The following RPS6KA1 variants were observed in gnomAD, a reference collection of about 807,000 sequenced individuals.
RPS6KA1 encodes ribosomal protein S6 kinase A1.
Under a neutral mutation model 91.3 loss-of-function variants are expected in RPS6KA1, and 48 were observed. That is an observed-to-expected ratio of 0.53 (90% CI 0.42 to 0.67). RPS6KA1 has a LOEUF of 0.67. Ranked by LOEUF, RPS6KA1 falls within the 30% of genes least tolerant of loss-of-function variation. The probability of loss-of-function intolerance (pLI) is 0.00; values close to 1 mark genes in which losing one functional copy is unlikely to be tolerated. For synonymous variants in RPS6KA1, 359 were observed against 384.7 expected (o/e 0.93, Z 0.78); for missense variants, 719 against 960.5 (o/e 0.75, Z 3.32).
rs1025494339 is a variant in RPS6KA1 at position 26,531,706 on chromosome 1, C to T, written c.63+1723C>T. 4.7e-4 allele frequency among the ~76,000 whole-genome samples: 71 copies of T among 152,304 alleles called. 1 individual carries two copies. The highest frequency in any genetic ancestry group is 3.4e-3 in the Middle Eastern group (1 of 294). On this transcript the variant is annotated intron_variant, in intron 1 of 21. Coordinates refer to ENST00000374168, the MANE Select transcript of RPS6KA1 (RefSeq NM_002953.4). Reference sequence around the variant, plus strand: ...TTCCTCAGGAGCTTCGCTCCAGAAACGATGTGTGATCCTCAGTCAGTCCTC... The same window carrying T: ...TTCCTCAGGAGCTTCGCTCCAGAAATGATGTGTGATCCTCAGTCAGTCCTC...
chr1:26,557,132 G>T, intron 13 of RPS6KA1, 32 bp downstream of exon 13: 1 of 1,574,156 alleles, frequency 6.4e-7, no homozygotes, highest in Non-Finnish European at 8.7e-7. Flanking sequence ...TCTGTCTTGG[G>T]CTGGTACAGG....
chr1:26,555,150 G>C lies in RPS6KA1; in HGVS notation c.757-1G>C. 1 of 1,614,146 alleles carries C rather than the reference G, an allele frequency of 6.2e-7. No homozygotes were observed. The highest frequency in any genetic ancestry group is 1.3e-5 in the African/African-American group (1 of 75,056). ...CCTGAATAGATCCTTGTCCTCTGCA[G>C]TTTGAGATGCTGACGGGCTCCCTGC... On this transcript the variant is annotated splice_acceptor_variant, in intron 9 of 21. Coordinates refer to ENST00000374168, the MANE Select transcript of RPS6KA1 (RefSeq NM_002953.4). LOFTEE classifies it high-confidence loss of function. This position sits in a 1 kb window ranked among gnomAD's most constrained non-coding sequence, Gnocchi z 4.3.
chr1:26,554,136 A>G lies in RPS6KA1; in HGVS notation c.576-78A>G. On this transcript the variant is annotated intron_variant, in intron 7 of 21. Transcript: ENST00000374168. This position sits in a 1 kb window ranked among gnomAD's most constrained non-coding sequence, Gnocchi z 4.6. ...GAGCACCTCCTCTGGGCTGAACCCAACTCCCACAGCCCTGTGGTAACACCA... is the reference window on the plus strand; with the variant it reads ...GAGCACCTCCTCTGGGCTGAACCCAGCTCCCACAGCCCTGTGGTAACACCA... 1 of 1,475,170 alleles carries G rather than the reference A, an allele frequency of 6.8e-7. No individual in the cohort carries two copies. The highest frequency in any genetic ancestry group is 9.2e-7 in the Non-Finnish European group (1 of 1,086,696). The allele number at this position is 1,475,170 out of a possible 1,614,324, so 91.4% of individuals were successfully genotyped here. A position where few individuals can be genotyped will look rare whatever the true frequency, so the allele number is the denominator to read the frequency against.
chr1:26,566,600 A>ATTTGCAT, intron 17 of RPS6KA1, among the ~76,000 whole-genome samples: 1 of 151,870 alleles, frequency 6.6e-6, no homozygotes, highest in Middle Eastern at 3.4e-3. Flanking sequence ...TGTAGTTTTA[A>ATTTGCAT]TTTGCATTTT....
chr1:26,558,852 G>T lies in RPS6KA1; in HGVS notation c.1130G>T (p.Arg377Leu). The T allele has an allele frequency of 6.2e-7, 1 of 1,613,698 alleles. No individual in the cohort carries two copies. Among genetic ancestry groups the T allele is most frequent in the Non-Finnish European group, 8.5e-7 (1 of 1,179,652 alleles). The stretch of plus-strand genomic sequence containing the variant: ...AGCGCTGGGGCCCATCAGCTGTTCC[G>T]GGGCTTCAGCTTCGTGGCCACCGGC... ...PPSAGAHQLF[R>L]GFSFVATGLM... The change falls in exon 14 of 22, where the codon CGG (arginine) becomes CTG (leucine). Residue 377 changes from arginine (R) to leucine (L), a missense_variant. Physicochemically the swap from Arg to Leu is moderately radical, Grantham distance 102 (BLOSUM62 -2). This residue lies in a region of RPS6KA1 where 228 missense variants were observed against 247.6 expected (regional missense o/e 0.92). Coordinates refer to ENST00000374168, the MANE Select transcript of RPS6KA1 (RefSeq NM_002953.4). The surrounding 1 kb of genome is among the most constrained non-coding windows in gnomAD (Gnocchi z 4.0).
intron 17 of RPS6KA1, among the ~76,000 whole-genome samples, chr1:26,562,825 C>CCTTTTTTTTTTTTTTTTTTT (rs1553133561): frequency 1.2e-5 from 1 of 81,432 alleles, no homozygotes. Flanking sequence ...TCCTATTGTC[C>CCTTTTTTTTTTTTTTTTTTT]TTTTTTTTTT....
At chr1:26,569,781 G>A (rs2076234437) in intron 17 of RPS6KA1, among the ~76,000 whole-genome samples, 1 of 152,210 alleles carries the variant, frequency 6.6e-6, no homozygotes, top group Admixed American at 6.5e-5. Flanking sequence ...GGTGCTGAAG[G>A]TGAACGGGCA....
intron 2 of RPS6KA1, among the ~76,000 whole-genome samples, chr1:26,545,335 A>AT (rs35845328): frequency 0.69 from 98,298 of 142,516 alleles, 33,759 homozygotes; most frequent in East Asian, 0.78. Context: ...CGCCTGGCCA[A>AT]TTTTTTTTTT....
chr1:26,536,791 C>T lies in RPS6KA1; in HGVS notation c.64-134C>T. 2.1e-6 allele frequency: 2 copies of T among 952,224 alleles called. 1 individual carries two copies. Among genetic ancestry groups the T allele is most frequent in the South Asian group, 2.9e-5 (2 of 69,570 alleles). 59.0% of individuals were successfully genotyped at this position (952,224 alleles called of 1,614,324 possible). On this transcript the variant is annotated intron_variant, in intron 1 of 21. Coordinates refer to ENST00000374168, the MANE Select transcript of RPS6KA1 (RefSeq NM_002953.4). ...ATGAAAGTGGAGGTGGAGGGACCCA[C>T]CCAGGACTCCTGCCCTACCACCATG...
chr1:26,543,804 C>A (rs748428213), intron 2 of RPS6KA1, among the ~76,000 whole-genome samples: 1 of 152,140 alleles, frequency 6.6e-6, no homozygotes, highest in Admixed American at 6.5e-5. Context: ...TTGCTTTGAG[C>A]CTTGGTGAGT....
At position 26,571,412 on chromosome 1, in the gene RPS6KA1, C is replaced by T; in HGVS notation, c.1591-37C>T. The stretch of plus-strand genomic sequence containing the variant: ...GCTGACCTGGGCCACTAGCCACCTC[C>T]CCACACTGAGAACTGACCCCAGCCC... On this transcript the variant is annotated intron_variant, in intron 17 of 21. Coordinates refer to ENST00000374168, the MANE Select transcript of RPS6KA1 (RefSeq NM_002953.4). The surrounding 1 kb of genome is among the most constrained non-coding windows in gnomAD (Gnocchi z 5.1). The T allele has an allele frequency of 6.2e-7, 1 of 1,609,550 alleles. No individual in the cohort carries two copies. Among genetic ancestry groups the T allele is most frequent in the East Asian group, 2.2e-5 (1 of 44,838 alleles).
intron 1 of RPS6KA1, among the ~76,000 whole-genome samples, chr1:26,536,720 G>C (rs186952379): frequency 8.5e-5 from 13 of 152,362 alleles, no homozygotes; most frequent in African/African-American, 3.1e-4. Flanking sequence ...TTCTGCCTGA[G>C]TCATGAGGCG....
chr1:26,531,085 CT>C, intron 1 of RPS6KA1: 2 of 219,116 alleles, frequency 9.1e-6, no homozygotes, highest in Non-Finnish European at 1.7e-5. Context: ...GGACCACAGG[CT>C]TAGATCAGGG....
At chr1:26,532,415 G>A (rs1056391189) in intron 1 of RPS6KA1, among the ~76,000 whole-genome samples, 3 of 152,172 alleles carry the variant, frequency 2.0e-5, no homozygotes, top group Non-Finnish European at 2.9e-5. Flanking sequence ...AGCCAGGATT[G>A]GAACCAAGAT....
intron 1 of RPS6KA1, among the ~76,000 whole-genome samples, chr1:26,536,483 G>A (rs780949256): frequency 1.3e-5 from 2 of 152,208 alleles, no homozygotes; most frequent in African/African-American, 4.8e-5. Context: ...CACCCTTGCA[G>A]CAACTCTGGG....
chr1:26,535,972 G>A (rs1260863176), intron 1 of RPS6KA1, among the ~76,000 whole-genome samples: 1 of 151,972 alleles, frequency 6.6e-6, no homozygotes, highest in Admixed American at 6.6e-5. Context: ...CCAACGTGGT[G>A]AAACCCCGTG....
intron 21 of RPS6KA1, among the ~76,000 whole-genome samples, chr1:26,573,796 G>A (rs1178259952): frequency 6.6e-6 from 1 of 152,136 alleles, no homozygotes; most frequent in Admixed American, 6.5e-5. Context: ...AAATTAGCCA[G>A]GTGTGGTGGC....
intron 1 of RPS6KA1, chr1:26,530,833 G>A (rs750556881): frequency 5.4e-6 from 7 of 1,288,262 alleles, no homozygotes; most frequent in African/African-American, 3.0e-5. Flanking sequence ...TTGACCCCAG[G>A]GTCAAGGTCA....
At chr1:26,557,268 A>C (rs894205813) in intron 13 of RPS6KA1, among the ~76,000 whole-genome samples, 168 bp downstream of exon 13, 1 of 151,520 alleles carries the variant, frequency 6.6e-6, no homozygotes, top group Non-Finnish European at 1.5e-5. Flanking sequence ...TCCCTGTCTC[A>C]CTCCGCCCGA....
Sources: allele counts gnomAD v4.1 joint callset (sites outside exome capture counted in the v4.1 genomes callset), GRCh38; gene constraint gnomAD v4.1.1; regional missense constraint gnomAD v4.1.1; non-coding constraint Gnocchi (gnomAD v3.1); transcripts MANE v1.5; gene names NCBI Gene and HGNC (gene_info 2026-07-23, HGNC 2026-07-21).